RBM27: variants seen among roughly 807,000 people sequenced by gnomAD.
RBM27 encodes the protein RNA binding motif protein 27, also known as RNA-binding protein 27.
In RBM27, 22 loss-of-function variants were observed where a neutral mutation model predicts 135.3. The observed-to-expected ratio is 0.16, with a 90% CI of 0.12 to 0.23. The LOEUF (loss-of-function observed/expected upper bound fraction) is 0.23. Among genes scored for constraint, RBM27 ranks in the 10% least tolerant of loss-of-function variants. RBM27 has a pLI of 1.00. For synonymous variants in RBM27, 481 were observed against 442.4 expected (o/e 1.09, Z -1.10); for missense variants, 1,009 against 1,281.0 (o/e 0.79, Z 3.24).
chr5:146,243,523 T>G (rs934076265), intron 8 of RBM27, among the ~76,000 whole-genome samples: 1 of 152,164 alleles, frequency 6.6e-6, no homozygotes, highest in African/African-American at 2.4e-5. Context: ...AATTCAGAGA[T>G]AGAAAAATCT....
intron 13 of RBM27, among the ~76,000 whole-genome samples, chr5:146,263,049 A>G (rs949451200): frequency 2.6e-5 from 4 of 151,602 alleles, no homozygotes; most frequent in African/African-American, 9.7e-5. Context: ...ACCCCTGCCC[A>G]ATTTTTGTAT....
rs570413910 is a variant in RBM27 at position 146,278,885 on chromosome 5, C to G, written c.2989-5737C>G. Among the ~76,000 whole-genome samples, 379 of 152,002 alleles carry G rather than the reference C, an allele frequency of 2.5e-3. 4 individuals are homozygous for G. Among genetic ancestry groups the G allele is most frequent in the African/African-American group, 8.8e-3 (366 of 41,500 alleles). ...TACAGGCACTCGCCACCACGCCTGGCTAATTTTTTGTATTTTGAGTAGAGA... is the reference window on the plus strand; with the variant it reads ...TACAGGCACTCGCCACCACGCCTGGGTAATTTTTTGTATTTTGAGTAGAGA... On this transcript the variant is annotated intron_variant, in intron 19 of 20. Coordinates refer to ENST00000265271, the MANE Select transcript of RBM27 (RefSeq NM_018989.2).
At chr5:146,269,742 CTTTTTT>C (rs34783557) in intron 17 of RBM27, among the ~76,000 whole-genome samples, 158 bp downstream of exon 17, 1 of 118,936 alleles carries the variant, frequency 8.4e-6, no homozygotes, top group African/African-American at 3.3e-5. Context: ...ATTATAGTAC[CTTTTTT>C]TTTTTTTTTT....
At chr5:146,225,436 G>A (rs933311905) in intron 3 of RBM27, among the ~76,000 whole-genome samples, 5 of 152,174 alleles carry the variant, frequency 3.3e-5, no homozygotes, top group Non-Finnish European at 5.9e-5. Flanking sequence ...AACTGAGACT[G>A]CTGTCTGTTT....
chr5:146,235,077 A>AAAT (rs757162116), intron 7 of RBM27, among the ~76,000 whole-genome samples: 189 of 101,310 alleles, frequency 1.9e-3, no homozygotes, highest in Admixed American at 6.3e-3. Flanking sequence ...AATAAATAAA[A>AAAT]GATGGCAAAT....
chr5:146,209,624 G>T (rs140774929), intron 1 of RBM27, among the ~76,000 whole-genome samples: 3 of 152,308 alleles, frequency 2.0e-5, no homozygotes, highest in Non-Finnish European at 4.4e-5. Flanking sequence ...CTCTGCAGTT[G>T]CCCAAATGGG....
Position 146,288,180 on chromosome 5 carries a change from A to T in RBM27, c.*2150A>T, listed in dbSNP as rs1269397535. 6.6e-6 allele frequency: 1 copy of T among 152,110 alleles called. No homozygotes were observed. The highest frequency in any genetic ancestry group is 1.5e-5 in the Non-Finnish European group (1 of 67,956). 9.4% of individuals were successfully genotyped at this position (152,110 alleles called of 1,614,324 possible). Reference sequence around the variant, plus strand: ...ATGGAACTCTAAGAAAAATTTCAGTAGACAGTTCAACAGAATGAGATTCCT... The same window carrying T: ...ATGGAACTCTAAGAAAAATTTCAGTTGACAGTTCAACAGAATGAGATTCCT... On this transcript the variant is annotated 3_prime_UTR_variant, in exon 21 of 21. Transcript: ENST00000265271.
At chr5:146,262,705 T>C (rs1251956684) in intron 13 of RBM27, among the ~76,000 whole-genome samples, 1 of 152,232 alleles carries the variant, frequency 6.6e-6, no homozygotes, top group Non-Finnish European at 1.5e-5. Context: ...AGGTGAATGC[T>C]TCCCCTAGAT....
intron 19 of RBM27, among the ~76,000 whole-genome samples, chr5:146,282,561 TAAC>T (rs1430269628): frequency 6.6e-6 from 1 of 152,246 alleles, no homozygotes; most frequent in African/African-American, 2.4e-5. Flanking sequence ...CAATACAGTA[TAAC>T]AACTATTTAC....
chr5:146,240,956 T>A (rs1757382005), intron 8 of RBM27, among the ~76,000 whole-genome samples: 1 of 152,210 alleles, frequency 6.6e-6, no homozygotes, highest in Admixed American at 6.5e-5. Context: ...AAGTTCTTTG[T>A]GCTTATCCCT....
rs948976448 is a variant in RBM27, at chr5:146,288,507, C to T, written c.*2477C>T. 1 of 152,024 alleles carries T rather than the reference C, an allele frequency of 6.6e-6. No individual in the cohort carries two copies. Among genetic ancestry groups the T allele is most frequent in the Non-Finnish European group, 1.5e-5 (1 of 67,922 alleles). 9.4% of individuals were successfully genotyped at this position (152,024 alleles called of 1,614,324 possible). On this transcript the variant is annotated 3_prime_UTR_variant, in exon 21 of 21. Transcript: ENST00000265271. Reference sequence around the variant, plus strand: ...TTAGCATAAAATAGTTTATATATATCCCCTGCCCCCTTTGGGATTTACTTC... The same window carrying T: ...TTAGCATAAAATAGTTTATATATATTCCCTGCCCCCTTTGGGATTTACTTC...
At chr5:146,208,357 C>G (rs190889801) in intron 1 of RBM27, among the ~76,000 whole-genome samples, 31 of 152,212 alleles carry the variant, frequency 2.0e-4, no homozygotes, top group African/African-American at 6.7e-4. Flanking sequence ...CCTTCCATTC[C>G]CTTTGTAGGT....
chr5:146,263,764 C>T, intron 14 of RBM27, 133 bp downstream of exon 14: 5 of 1,079,642 alleles, frequency 4.6e-6, no homozygotes, highest in Non-Finnish European at 6.4e-6. Flanking sequence ...TCTCTAGTTT[C>T]CATGTTTCAG....
intron 8 of RBM27, among the ~76,000 whole-genome samples, chr5:146,238,559 C>T (rs1044735729): frequency 2.0e-5 from 3 of 151,820 alleles, no homozygotes; most frequent in African/African-American, 4.8e-5. Context: ...TCTTTTGTTT[C>T]TTAGGTGTTT....
intron 8 of RBM27, among the ~76,000 whole-genome samples, chr5:146,248,647 G>A (rs997855929): frequency 6.6e-5 from 10 of 152,152 alleles, no homozygotes; most frequent in Admixed American, 6.5e-4. Flanking sequence ...TGTAATTTTA[G>A]TAGAGACGGG....
Position 146,237,764 on chromosome 5 carries a change from T to A in RBM27, c.1279+332T>A, listed in dbSNP as rs148578197. Among the ~76,000 whole-genome samples, 8 of 152,314 alleles carry A rather than the reference T, an allele frequency of 5.3e-5. No homozygotes were observed. The East Asian group carries it at 1.3e-3, about 26-fold the overall frequency. On this transcript the variant is annotated intron_variant, in intron 8 of 20. Transcript: ENST00000265271. ...GTGCAGTGGCACAATCTCAGCTCAC[T>A]GCAACCTCTGCTTTCCAGGTTCAAG...
chr5:146,216,552 C>A (rs536805277), intron 1 of RBM27, among the ~76,000 whole-genome samples: 1 of 152,180 alleles, frequency 6.6e-6, no homozygotes, highest in South Asian at 2.1e-4. Flanking sequence ...TTCAAGTTTA[C>A]AATATATTTA....
In RBM27 at chr5:146,230,653, G is replaced by A; in HGVS notation, c.590-4G>A. 6.2e-7 allele frequency: 1 copy of A among 1,612,874 alleles called. No homozygotes were observed. The highest frequency in any genetic ancestry group is 8.5e-7 in the Non-Finnish European group (1 of 1,179,228). ...TTTCTGTTTTTAATTTTGTCTCCAA[G>A]TAGAGCACAGGGAAAGATCGAAGTT... is the stretch of plus-strand genomic sequence containing the variant. On this transcript the variant is annotated splice_region_variant and splice_polypyrimidine_tract_variant and intron_variant, in intron 5 of 20. Transcript: ENST00000265271.
At chr5:146,206,510 C>A (rs937854969) in intron 1 of RBM27, among the ~76,000 whole-genome samples, 7 of 146,580 alleles carry the variant, frequency 4.8e-5, no homozygotes, top group Non-Finnish European at 1.0e-4. Flanking sequence ...ACTTAAAGTT[C>A]ACATGCTTAT....
Sources: allele counts gnomAD v4.1 joint callset (sites outside exome capture counted in the v4.1 genomes callset), GRCh38; gene constraint gnomAD v4.1.1; transcripts MANE v1.5; gene names NCBI Gene and HGNC (gene_info 2026-07-23, HGNC 2026-07-21).